The following TAMM41 variants were observed in gnomAD, a reference collection of about 807,000 sequenced individuals.
The protein encoded by TAMM41 is phosphatidate cytidylyltransferase, mitochondrial.
Under a neutral mutation model 44.1 loss-of-function variants are expected in TAMM41, and 36 were observed. The observed-to-expected ratio is 0.82, with a 90% CI of 0.63 to 1.08. TAMM41 has a LOEUF of 1.08. TAMM41 is among the 50% of genes least tolerant of loss of function. The probability of loss-of-function intolerance (pLI) is 0.00; values close to 1 mark genes in which losing one functional copy is unlikely to be tolerated. For missense variants in TAMM41, 417 were observed against 404.3 expected (o/e 1.03, Z -0.27); for synonymous variants, 164 against 153.1 (o/e 1.07, Z -0.53).
the TAMM41 span, among the ~76,000 whole-genome samples, chr3:11,735,716 G>A: frequency 1.5e-4 from 23 of 152,174 alleles, no homozygotes; most frequent in African/African-American, 5.1e-4. Flanking sequence ...GGGAAGTCAA[G>A]GGTAGGATTA....
the TAMM41 span, among the ~76,000 whole-genome samples, chr3:11,737,551 C>T: frequency 6.6e-6 from 1 of 151,910 alleles, no homozygotes; most frequent in Non-Finnish European, 1.5e-5. Flanking sequence ...AACTCCTGAC[C>T]TCAGGTGATC....
chr3:11,767,259 G>A, the TAMM41 span, among the ~76,000 whole-genome samples: 14 of 152,152 alleles, frequency 9.2e-5, no homozygotes, highest in East Asian at 2.7e-3. Context: ...AGTAGAGACG[G>A]GGTTTCACCA....
chr3:11,761,718 G>A, the TAMM41 span, among the ~76,000 whole-genome samples: 9 of 151,860 alleles, frequency 5.9e-5, no homozygotes, highest in East Asian at 3.9e-4. Flanking sequence ...AGGCCGAGGC[G>A]GGTGGATCAC....
chr3:11,821,135 AG>A (rs1345938811), intron 4 of TAMM41, among the ~76,000 whole-genome samples: 1 of 152,232 alleles, frequency 6.6e-6, no homozygotes, highest in Non-Finnish European at 1.5e-5. Context: ...TTCTGGCACC[AG>A]GAAGAGGTTT....
chr3:11,807,627 G>T, intron 7 of TAMM41: 1 of 1,536,240 alleles, frequency 6.5e-7, no homozygotes, highest in Non-Finnish European at 8.7e-7. Context: ...GCTTCCAACA[G>T]CACTGCCAAT....
the TAMM41 span, among the ~76,000 whole-genome samples, chr3:11,766,327 G>A: frequency 8.6e-5 from 13 of 152,030 alleles, no homozygotes; most frequent in African/African-American, 3.1e-4. Flanking sequence ...ACCATGCTCG[G>A]TGAATTTTCT....
At chr3:11,773,232 C>T in the TAMM41 span, among the ~76,000 whole-genome samples, 9 of 152,050 alleles carry the variant, frequency 5.9e-5, no homozygotes, top group South Asian at 1.9e-3. Context: ...GCTGGGATTA[C>T]AGGTGTGAGC....
chr3:11,784,038 TACA>T, the TAMM41 span, among the ~76,000 whole-genome samples: 1 of 152,158 alleles, frequency 6.6e-6, no homozygotes, highest in African/African-American at 2.4e-5. Context: ...AGTTAAAGAC[TACA>T]ACAACCCGAT....
intron 7 of TAMM41, among the ~76,000 whole-genome samples, chr3:11,804,996 C>CCTTT (rs1559275694): frequency 2.9e-5 from 3 of 103,064 alleles, no homozygotes; most frequent in African/African-American, 1.2e-4. Flanking sequence ...ACGCCCAGCC[C>CCTTT]TTTTTTTTTT....
intron 7 of TAMM41, among the ~76,000 whole-genome samples, chr3:11,803,583 G>T (rs1170820884): frequency 2.0e-5 from 3 of 151,844 alleles, no homozygotes; most frequent in Middle Eastern, 6.3e-3. Context: ...CAAAAGGAAA[G>T]AAATCATTAT....
the TAMM41 span, among the ~76,000 whole-genome samples, chr3:11,747,889 T>G: frequency 6.6e-6 from 1 of 151,678 alleles, no homozygotes; most frequent in South Asian, 2.1e-4. Context: ...TTATTTTTTT[T>G]TTTGAGACAG....
intron 5 of TAMM41, 168 bp from the exon 6 acceptor site, chr3:11,809,850 T>C: frequency 6.5e-6 from 4 of 610,974 alleles, no homozygotes; most frequent in Non-Finnish European, 1.1e-5. Context: ...AATGGGTAAG[T>C]GTTCAGGAGT....
At chr3:11,801,098 G>GAA (rs34203222) in intron 7 of TAMM41, among the ~76,000 whole-genome samples, 180 of 123,200 alleles carry the variant, frequency 1.5e-3, no homozygotes, top group African/African-American at 3.3e-3. Flanking sequence ...TCTCAAGAAA[G>GAA]AAAAAAAAAA....
At chr3:11,724,173 G>A in the TAMM41 span, among the ~76,000 whole-genome samples, 96 of 142,418 alleles carry the variant, frequency 6.7e-4, no homozygotes, top group East Asian at 1.5e-3. Context: ...GCATGATCTC[G>A]GCTCACTGCA....
chr3:11,781,651 C>T, the TAMM41 span, among the ~76,000 whole-genome samples: 1 of 151,786 alleles, frequency 6.6e-6, no homozygotes, highest in Admixed American at 6.6e-5. Context: ...AGGAGAATTG[C>T]TTGAACCTGG....
chr3:11,844,235 A>T (rs779864240), intron 1 of TAMM41, 24 bp from the exon 2 acceptor site: 24 of 1,606,652 alleles, frequency 1.5e-5, no homozygotes, highest in Non-Finnish European at 1.8e-5. Flanking sequence ...AAAAGAGAAT[A>T]ATTTCAGTAT....
chr3:11,824,119 G>A lies in TAMM41; in HGVS notation c.562+5595C>T, dbSNP rs552225542. ...TGGGATTACAGGCGTGAGCCACTGCGCCCGGCCTATCCATTGTATTTTAAA... is the reference window on the plus strand; with the variant it reads ...TGGGATTACAGGCGTGAGCCACTGCACCCGGCCTATCCATTGTATTTTAAA... On this transcript the variant is annotated intron_variant, in intron 4 of 7. Transcript: ENST00000455809. Among the ~76,000 whole-genome samples the A allele has an allele frequency of 2.6e-3, 396 of 152,002 alleles. 3 individuals carry two copies. The highest frequency in any genetic ancestry group is 4.7e-3 in the Non-Finnish European group (320 of 67,982).
intron 5 of TAMM41, 59 bp from the exon 6 acceptor site, chr3:11,809,741 C>T (rs1193920084): frequency 6.5e-7 from 1 of 1,535,810 alleles, no homozygotes; most frequent in African/African-American, 1.4e-5. Flanking sequence ...TACAAATACT[C>T]CAAAACTCAG....
At chr3:11,802,903 A>C (rs1200625665) in intron 7 of TAMM41, among the ~76,000 whole-genome samples, 1 of 152,256 alleles carries the variant, frequency 6.6e-6, no homozygotes, top group African/African-American at 2.4e-5. Flanking sequence ...AATATATACA[A>C]ATCAATAAAT....
Sources: gnomAD v4.1 joint callset for allele counts (sites outside exome capture counted in the v4.1 genomes callset) on GRCh38, gnomAD v4.1.1 for gene constraint, MANE v1.5 for transcripts, NCBI Gene and HGNC (gene_info 2026-07-23, HGNC 2026-07-21) for gene names.